Variants in ZC3HAV1 observed in about 807,000 individuals in gnomAD.
The protein encoded by ZC3HAV1 is zinc finger CCCH-type containing, antiviral 1, also known as zinc finger CCCH-type antiviral protein 1.
In ZC3HAV1, 41 loss-of-function variants were observed where a neutral mutation model predicts 86.6. That is an observed-to-expected ratio of 0.47 (90% CI 0.37 to 0.61). The LOEUF (loss-of-function observed/expected upper bound fraction) is 0.61. ZC3HAV1 is among the 20% of genes least tolerant of loss of function. The pLI is 0.00. For synonymous variants in ZC3HAV1, 421 were observed against 432.1 expected, an observed-to-expected ratio of 0.97 and a Z score of 0.32; for missense variants, 964 against 1,141.1, an observed-to-expected ratio of 0.84 and a Z score of 2.24.
chr7:139,079,961 C>A lies in ZC3HAV1; in HGVS notation c.980G>T (p.Ser327Ile). Reference sequence around the variant, plus strand: ...ACTGCCGTTCTCTAAAAACCTCTGGCTTGTCCCGGCCTGACTTGTTCCTCC... The same window carrying A: ...ACTGCCGTTCTCTAAAAACCTCTGGATTGTCCCGGCCTGACTTGTTCCTCC... ...DLGGTSQAGT[S>I]QRFLENGSQE... The change falls in exon 4 of 13, where the codon AGC becomes ATC. Residue 327 changes from serine (S) to isoleucine (I), a missense_variant. Coordinates refer to ENST00000242351, the MANE Select transcript of ZC3HAV1 (RefSeq NM_020119.4). 6.2e-7 allele frequency: 1 copy of A among 1,614,186 alleles called. No individual in the cohort carries two copies. Among genetic ancestry groups the A allele is most frequent in the African/African-American group, 1.3e-5 (1 of 75,048 alleles).
intron 6 of ZC3HAV1, 61 bp from the exon 7 acceptor site, chr7:139,074,091 C>G: frequency 6.6e-7 from 1 of 1,507,734 alleles, no homozygotes; most frequent in Non-Finnish European, 9.0e-7. Context: ...TCTACAATCT[C>G]GTCTTCCCTA....
chr7:139,058,332 T>C (rs56170153), intron 9 of ZC3HAV1, among the ~76,000 whole-genome samples: 1,945 of 151,664 alleles, frequency 0.013, 34 homozygotes, highest in African/African-American at 0.045. Flanking sequence ...TGTGCACCCA[T>C]AGTCCTAGTT....
In ZC3HAV1 at chr7:139,109,053, C is replaced by T; in HGVS notation, c.279G>A (p.Leu93=). The stretch of plus-strand genomic sequence containing the variant: ...CGGACTGCGAATAGTTGCACCGGCC[C>T]AGCAAGTTGAGTTTGCAGAGATGCA... ...DNLHLCKLNL[L]GRCNYSQSER... Residue 93 remains leucine, a synonymous_variant, in exon 1 of 13, where the codon CTG becomes CTA. Transcript: ENST00000242351. 3 of 1,582,458 alleles carry T rather than the reference C, an allele frequency of 1.9e-6. No individual in the cohort carries two copies. The highest frequency in any genetic ancestry group is 1.7e-6 in the Non-Finnish European group (2 of 1,161,294).
intron 9 of ZC3HAV1, among the ~76,000 whole-genome samples, chr7:139,056,022 A>G (rs1351647763): frequency 6.6e-6 from 1 of 152,250 alleles, no homozygotes; most frequent in Non-Finnish European, 1.5e-5. Flanking sequence ...AAGATGGGAC[A>G]GAACCACTGG....
chr7:139,086,665 T>A (rs1006877849), intron 2 of ZC3HAV1, among the ~76,000 whole-genome samples: 2 of 152,184 alleles, frequency 1.3e-5, no homozygotes, highest in Non-Finnish European at 2.9e-5. Context: ...TCTTGAATTG[T>A]AGTTCCCATA....
intron 2 of ZC3HAV1, among the ~76,000 whole-genome samples, chr7:139,085,944 G>A (rs1301928765): frequency 2.6e-5 from 4 of 152,072 alleles, no homozygotes; most frequent in Middle Eastern, 3.4e-3. Flanking sequence ...AACCCGAGAC[G>A]GAGGTTGCAG....
intron 1 of ZC3HAV1, among the ~76,000 whole-genome samples, chr7:139,097,438 T>TTATTTTTTTTTA (rs1817637456): frequency 1.8e-5 from 2 of 111,062 alleles, no homozygotes; most frequent in African/African-American, 8.0e-5. Flanking sequence ...ATTTTTTTTT[T>TTATTTTTTTTTA]TTTTTTTTTT....
At chr7:139,097,657 A>G (rs1299405483) in intron 1 of ZC3HAV1, among the ~76,000 whole-genome samples, 5 of 150,964 alleles carry the variant, frequency 3.3e-5, no homozygotes, top group African/African-American at 1.2e-4. Flanking sequence ...GATGGTCTGG[A>G]TCTCCTGACC....
At chr7:139,069,383 T>G (rs1307062532) in intron 7 of ZC3HAV1, among the ~76,000 whole-genome samples, 1 of 152,208 alleles carries the variant, frequency 6.6e-6, no homozygotes, top group African/African-American at 2.4e-5. Context: ...CTTGGCTTTC[T>G]AGAGCTGTGG....
At chr7:139,099,012 C>A (rs1279793398) in intron 1 of ZC3HAV1, among the ~76,000 whole-genome samples, 1 of 152,076 alleles carries the variant, frequency 6.6e-6, no homozygotes, top group African/African-American at 2.4e-5. Context: ...ATTTTGCCAT[C>A]TCTGCATTAT....
intron 2 of ZC3HAV1, among the ~76,000 whole-genome samples, chr7:139,087,893 A>C (rs1250617274): frequency 6.6e-6 from 1 of 151,798 alleles, no homozygotes; most frequent in East Asian, 1.9e-4. Context: ...TTAGCCAGCT[A>C]TGGTGGTGCA....
At chr7:139,052,765 T>TATA (rs34374266) in intron 12 of ZC3HAV1, among the ~76,000 whole-genome samples, 4 of 149,820 alleles carry the variant, frequency 2.7e-5, no homozygotes, top group Non-Finnish European at 6.0e-5. Context: ...CTATAAAAAA[T>TATA]ACAACAAAAA....
In ZC3HAV1 at chr7:139,067,235, G is replaced by A. The variant is rs530009839; in HGVS notation, c.1873-2236C>T. On this transcript the variant is annotated intron_variant, in intron 7 of 12. Transcript: ENST00000242351. ...ACAATCTGGGCTCACTGCAACCTCCGCCTCCTGGGTTCAAGCGAATTCTCC... is the reference window on the plus strand; with the variant it reads ...ACAATCTGGGCTCACTGCAACCTCCACCTCCTGGGTTCAAGCGAATTCTCC... Among the ~76,000 whole-genome samples, 7 of 151,948 alleles carry A rather than the reference G, an allele frequency of 4.6e-5. No individual in the cohort carries two copies. In the South Asian group the frequency reaches 8.3e-4, roughly 18 times the overall value.
chr7:139,057,248 C>T (rs994503244), intron 9 of ZC3HAV1, among the ~76,000 whole-genome samples: 3 of 151,946 alleles, frequency 2.0e-5, no homozygotes, highest in Non-Finnish European at 4.4e-5. Context: ...GTTGCAGCTA[C>T]TCAGGAGGCT....
chr7:139,098,778 T>A (rs1411019178), intron 1 of ZC3HAV1, among the ~76,000 whole-genome samples: 1 of 152,210 alleles, frequency 6.6e-6, no homozygotes, highest in African/African-American at 2.4e-5. Flanking sequence ...GCTCCCCTGC[T>A]GCAATTTGGT....
In ZC3HAV1 at chr7:139,088,685, A is replaced by T. The variant is rs967293817; in HGVS notation, c.444+939T>A. On this transcript the variant is annotated intron_variant, in intron 2 of 12. Transcript: ENST00000242351. ...AGTTGGCAAATCTTTTCCATAAAGG[A>T]TCAGATAGTAAATATTTTAGGCTTT... Among the ~76,000 whole-genome samples, 8 of 152,224 alleles carry T rather than the reference A, an allele frequency of 5.3e-5. No individual in the cohort carries two copies. The South Asian group carries it at 1.7e-3, about 31-fold the overall frequency.
intron 1 of ZC3HAV1, among the ~76,000 whole-genome samples, chr7:139,093,753 G>T (rs1396056197): frequency 6.6e-6 from 1 of 152,180 alleles, no homozygotes; most frequent in African/African-American, 2.4e-5. Flanking sequence ...GCATCCAGGT[G>T]AAATAAACAG....
intron 12 of ZC3HAV1, 97 bp downstream of exon 12, chr7:139,053,354 G>T: frequency 7.1e-7 from 1 of 1,405,624 alleles, no homozygotes; most frequent in Non-Finnish European, 9.4e-7. Context: ...TGGACACTCT[G>T]GTTAATACAA....
Position 139,108,436 on chromosome 7 carries a change from G to A in ZC3HAV1, c.308+588C>T, listed in dbSNP as rs1451354992. ...AGGCCCGCGGCTGCTACAACTTCAGGAACCTGGAAAAGGGCCACCCCTGCT... is the reference window on the plus strand; with the variant it reads ...AGGCCCGCGGCTGCTACAACTTCAGAAACCTGGAAAAGGGCCACCCCTGCT... On this transcript the variant is annotated intron_variant, in intron 1 of 12. Coordinates refer to ENST00000242351, the MANE Select transcript of ZC3HAV1 (RefSeq NM_020119.4). The surrounding 1 kb of genome is among the most constrained non-coding windows in gnomAD (Gnocchi z 4.2). 6.6e-6 allele frequency among the ~76,000 whole-genome samples: 1 copy of A among 152,018 alleles called. No homozygotes were observed. The highest frequency in any genetic ancestry group is 6.6e-5 in the Admixed American group (1 of 15,248).
Sources: allele counts gnomAD v4.1 joint callset (sites outside exome capture counted in the v4.1 genomes callset), GRCh38; gene constraint gnomAD v4.1.1; non-coding constraint Gnocchi (gnomAD v3.1); transcripts MANE v1.5; gene names NCBI Gene and HGNC (gene_info 2026-07-23, HGNC 2026-07-21).